Variants in MYO10 observed in about 807,000 individuals in gnomAD.
The protein encoded by MYO10 is myosin X, also known as unconventional myosin-X.
Under a neutral mutation model 257.3 loss-of-function variants are expected in MYO10, and 133 were observed. The ratio of observed to expected loss-of-function variants is 0.52; its 90% CI spans 0.45 to 0.60. The LOEUF is 0.60. Among genes scored for constraint, MYO10 ranks in the 20% least tolerant of loss-of-function variants. MYO10 has a pLI of 0.00. For synonymous variants in MYO10, 1,104 were observed against 1,028.6 expected (o/e 1.07, Z -1.40); for missense variants, 2,399 against 2,635.7 (o/e 0.91, Z 1.97).
intron 4 of MYO10, among the ~76,000 whole-genome samples, chr5:16,789,057 C>T (rs1228538413): frequency 1.3e-5 from 2 of 152,126 alleles, no homozygotes; most frequent in African/African-American, 4.8e-5. Flanking sequence ...GACACGCTAG[C>T]CTCCCAGCAG....
intron 18 of MYO10, among the ~76,000 whole-genome samples, chr5:16,757,476 A>G (rs1740570159): frequency 6.6e-6 from 1 of 152,174 alleles, no homozygotes; most frequent in African/African-American, 2.4e-5. Flanking sequence ...ACCAGGGGGA[A>G]AAAACATCCA....
chr5:16,791,968 T>C (rs1437022543), intron 4 of MYO10, among the ~76,000 whole-genome samples: 1 of 152,150 alleles, frequency 6.6e-6, no homozygotes, highest in African/African-American at 2.4e-5. Context: ...ATGATCCCTA[T>C]CTGTTTAACT....
chr5:16,681,903 G>C lies in MYO10; in HGVS notation c.4157C>G (p.Thr1386Ser), dbSNP rs376754788. 1.2e-5 allele frequency: 20 copies of C among 1,613,850 alleles called. No homozygotes were observed. The highest frequency in any genetic ancestry group is 1.7e-5 in the Non-Finnish European group (20 of 1,179,882). ...ITLLQRSKGD[T>S]RVEGQEFIVR... is the part of the protein sequence containing the mutation. Reference sequence around the variant, plus strand: ...GATGAATTCCTGGCCCTCCACTCTGGTGTCCCCTTTGGACCTCTGCAGCAG... The same window carrying C: ...GATGAATTCCTGGCCCTCCACTCTGCTGTCCCCTTTGGACCTCTGCAGCAG... The change falls in exon 31 of 41, where the codon ACC (threonine) becomes AGC (serine). Residue 1386 changes from threonine to serine, a missense_variant. By Grantham distance (58) the Thr-to-Ser change is moderately conservative. This residue lies in a region of MYO10 where 1,820 missense variants were observed against 1,939.4 expected (regional missense o/e 0.94). Transcript: ENST00000513610.
chr5:16,925,047 G>A (rs1369992778), intron 1 of MYO10, among the ~76,000 whole-genome samples: 2 of 152,022 alleles, frequency 1.3e-5, no homozygotes, highest in South Asian at 2.1e-4. Flanking sequence ...TAGTCAGGAT[G>A]GTCTCGATCT....
At chr5:16,795,282 CAG>C (rs1741904447) in intron 3 of MYO10, among the ~76,000 whole-genome samples, 1 of 152,150 alleles carries the variant, frequency 6.6e-6, no homozygotes, top group Non-Finnish European at 1.5e-5. Flanking sequence ...TTAATGGGTG[CAG>C]AGTTTCTATT....
At chr5:16,849,413 T>C (rs1410802703) in intron 2 of MYO10, among the ~76,000 whole-genome samples, 1 of 152,192 alleles carries the variant, frequency 6.6e-6, no homozygotes, top group African/African-American at 2.4e-5. Context: ...GCCACTAGAA[T>C]CAAGTTTGTA....
chr5:16,900,830 C>T (rs1456378666), intron 1 of MYO10, among the ~76,000 whole-genome samples: 1 of 150,580 alleles, frequency 6.6e-6, no homozygotes, highest in Non-Finnish European at 1.5e-5. Context: ...ACCTTCTCCT[C>T]GTGGGTTCAA....
At chr5:16,763,803 A>G (rs763624073) in intron 12 of MYO10, 48 bp from the exon 13 acceptor site, 34 of 1,107,804 alleles carry the variant, frequency 3.1e-5, no homozygotes, top group Non-Finnish European at 4.1e-5. Context: ...ACTCACGATT[A>G]TATAGAAAGG....
chr5:16,770,388 T>TTAA (rs1263076615), intron 9 of MYO10, among the ~76,000 whole-genome samples: 1 of 152,176 alleles, frequency 6.6e-6, no homozygotes, highest in African/African-American at 2.4e-5. Flanking sequence ...TAAGTGGAAG[T>TTAA]TAACATAATG....
intron 4 of MYO10, among the ~76,000 whole-genome samples, chr5:16,788,923 G>T (rs1435200604): frequency 1.3e-5 from 2 of 152,138 alleles, no homozygotes; most frequent in Non-Finnish European, 2.9e-5. Context: ...TGAGAGAGAG[G>T]TCAAAGAATC....
chr5:16,900,038 C>A (rs975211523), intron 1 of MYO10, among the ~76,000 whole-genome samples: 10 of 145,176 alleles, frequency 6.9e-5, no homozygotes, highest in African/African-American at 2.3e-4. Flanking sequence ...TTAAACAGCT[C>A]TGGGAAACTT....
rs764707789 is a variant in MYO10, at chr5:16,701,340, G to A, written c.3055C>T (p.Arg1019Ter). ...NPSEHGHSDQ[R>*]TSGIRTSDDS... ...TCGCTGGTCCGGATGCCACTTGTTCGCTGGTCTGAGTGGCCGTGCTCGCTG... is the reference window on the plus strand; with the variant it reads ...TCGCTGGTCCGGATGCCACTTGTTCACTGGTCTGAGTGGCCGTGCTCGCTG... Residue 1019 changes from arginine (R) to a stop codon, truncating the protein, a stop_gained, in exon 25 of 41, where the codon CGA becomes TGA. Coordinates refer to ENST00000513610, the MANE Select transcript of MYO10 (RefSeq NM_012334.3). LOFTEE classifies it high-confidence loss of function. This position sits in a 1 kb window ranked among gnomAD's most constrained non-coding sequence, Gnocchi z 8.1. 6.8e-6 allele frequency: 11 copies of A among 1,613,722 alleles called. No homozygotes were observed. Among genetic ancestry groups the A allele is most frequent in the Admixed American group, 1.7e-5 (1 of 59,994 alleles).
chr5:16,690,996 G>A (rs1737473304), intron 27 of MYO10, among the ~76,000 whole-genome samples: 1 of 152,156 alleles, frequency 6.6e-6, no homozygotes, highest in African/African-American at 2.4e-5. Flanking sequence ...TCGGCCGGGC[G>A]TGGTGGCTCA....
At chr5:16,836,119 C>A (rs1013311338) in intron 2 of MYO10, among the ~76,000 whole-genome samples, 1 of 152,192 alleles carries the variant, frequency 6.6e-6, no homozygotes, top group Non-Finnish European at 1.5e-5. Context: ...GGCATACTAT[C>A]GTCAGTATCC....
intron 19 of MYO10, among the ~76,000 whole-genome samples, chr5:16,741,438 T>G (rs530214061): frequency 2.3e-4 from 35 of 152,348 alleles, no homozygotes; most frequent in African/African-American, 7.9e-4. Flanking sequence ...ATGACTGCAG[T>G]GTATAAACTC....
intron 34 of MYO10, among the ~76,000 whole-genome samples, chr5:16,675,699 C>A (rs1230239864): frequency 6.6e-6 from 1 of 152,114 alleles, no homozygotes; most frequent in African/African-American, 2.4e-5. Context: ...GATTGCACCA[C>A]TGCACCCCAG....
chr5:16,861,896 C>A (rs1744119193), intron 2 of MYO10, among the ~76,000 whole-genome samples: 1 of 152,182 alleles, frequency 6.6e-6, no homozygotes, highest in Non-Finnish European at 1.5e-5. Context: ...GGCTCAATTG[C>A]CATCTCATTA....
intron 9 of MYO10, among the ~76,000 whole-genome samples, chr5:16,774,402 A>G (rs1741151565): frequency 1.3e-5 from 2 of 152,092 alleles, no homozygotes; most frequent in Non-Finnish European, 2.9e-5. Context: ...TTATTACATC[A>G]TGTTACTTAT....
At chr5:16,693,263 TGTCA>T (rs974612169) in intron 27 of MYO10, among the ~76,000 whole-genome samples, 6 of 152,162 alleles carry the variant, frequency 3.9e-5, no homozygotes, top group African/African-American at 1.4e-4. Context: ...AGTGAGACCC[TGTCA>T]GTCAATCAAT....
Sources: gnomAD v4.1 joint callset for allele counts (sites outside exome capture counted in the v4.1 genomes callset) on GRCh38, gnomAD v4.1.1 for gene constraint, gnomAD v4.1.1 regional missense constraint, Gnocchi (gnomAD v3.1) non-coding constraint, MANE v1.5 for transcripts, NCBI Gene and HGNC (gene_info 2026-07-23, HGNC 2026-07-21) for gene names.